The following RECQL4 variants were observed in gnomAD, a reference collection of about 807,000 sequenced individuals.
RECQL4 encodes the protein ATP-dependent DNA helicase Q4.
RECQL4 carries 158 observed loss-of-function variants against 128.6 expected under a neutral mutation model. The observed-to-expected ratio is 1.23, with a 90% CI of 1.08 to 1.40. The LOEUF (loss-of-function observed/expected upper bound fraction) is 1.40, where lower values mean the gene tolerates loss of function less well. RECQL4 is among the 40% of genes most tolerant of loss of function. The pLI is 0.00. For missense variants in RECQL4, 2,293 were observed against 1,649.8 expected (o/e 1.39, Z -6.75); for synonymous variants, 996 against 678.9 (o/e 1.47, Z -7.26).
intron 11 of RECQL4, 21 bp downstream of exon 11, chr8:144,514,168 C>T: frequency 6.2e-7 from 1 of 1,612,166 alleles, no homozygotes; most frequent in Non-Finnish European, 8.5e-7. Context: ...GGCCGCCCAC[C>T]CCAGTTCACA....
intron 19 of RECQL4, 28 bp downstream of exon 19, chr8:144,511,883 A>G (rs1403476150): frequency 6.2e-7 from 1 of 1,609,878 alleles, no homozygotes. Context: ...TGCAACCCCG[A>G]TGAGCTGCCT....
In RECQL4 at chr8:144,516,269, G is replaced by T; in HGVS notation, c.850C>A (p.Pro284Thr). The T allele has an allele frequency of 6.2e-7, 1 of 1,612,016 alleles. No homozygotes were observed. Among genetic ancestry groups the T allele is most frequent in the Non-Finnish European group, 8.5e-7 (1 of 1,179,490 alleles). The stretch of plus-strand genomic sequence containing the variant: ...ACAGCCCCAGCCCCCTCCGATGGGG[G>T]TCCAGCTTGGCTGCTCTCCTGCTGG... ...QVQQESSQAG[P>T]PSEGAGAVAV... The change falls in exon 5 of 21, where the codon CCC becomes ACC. Residue 284 changes from proline to threonine, a missense_variant. Transcript: ENST00000617875.
rs763161407 is a variant in RECQL4 at position 144,512,691 on chromosome 8, G to A, written c.2836C>T (p.Arg946Cys). Residue 946 changes from arginine to cysteine, a missense_variant, in exon 16 of 21, where the codon CGT (arginine) becomes TGT (cysteine). Physicochemically the swap from Arg to Cys is radical, Grantham distance 180 (BLOSUM62 -3). Coordinates refer to ENST00000617875, the MANE Select transcript of RECQL4 (RefSeq NM_004260.4). ...GCAGGGCCCCCAGGGCAGTTCAGAC[G>A]GCAATGGGTATAGGTGGTCGCCAGC... ...ELLATTYTHC[R>C]LNCPGGPAQL... 27 of 1,612,420 alleles carry A rather than the reference G, an allele frequency of 1.7e-5. No homozygotes were observed. The highest frequency in any genetic ancestry group is 4.0e-5 in the African/African-American group (3 of 74,944).
In RECQL4 at chr8:144,511,473, C is replaced by G. The variant is rs767956471; in HGVS notation, c.3585G>C (p.Leu1195=). 3.7e-6 allele frequency: 6 copies of G among 1,612,584 alleles called. No individual in the cohort carries two copies. Among genetic ancestry groups the G allele is most frequent in the Non-Finnish European group, 5.1e-6 (6 of 1,179,770 alleles). Residue 1195 remains leucine (L), a synonymous_variant, in exon 21 of 21, where the codon CTG becomes CTC. Coordinates refer to ENST00000617875, the MANE Select transcript of RECQL4 (RefSeq NM_004260.4). The part of the protein sequence containing the change: ...RKYLHLSFHA[L]VGLATEELLQ... ...GGAGCTCTTCCGTGGCCAGGCCCACCAGGGCATGGAAGCTCAGGTGCAGGT... is the reference window on the plus strand; with the variant it reads ...GGAGCTCTTCCGTGGCCAGGCCCACGAGGGCATGGAAGCTCAGGTGCAGGT...
rs765491293 is a variant in RECQL4, at chr8:144,514,075, G to A, written c.1911C>T (p.Phe637=). The A allele has an allele frequency of 1.3e-5, 20 of 1,594,080 alleles. No homozygotes were observed. Among genetic ancestry groups the A allele is most frequent in the Middle Eastern group, 3.3e-4 (2 of 6,060 alleles). The change falls in exon 12 of 21, where the codon TTC becomes TTT. Residue 637 remains phenylalanine, a synonymous_variant. Coordinates refer to ENST00000617875, the MANE Select transcript of RECQL4 (RefSeq NM_004260.4). ...VLRERMGVHC[F]LGLTATATRR... ...GTGTGGCTGTGGCTGTGAGGCCCAG[G>A]AAGCAGTGCACGCCCATGCGCTCCC...
chr8:144,512,306 CCT>C lies in RECQL4; in HGVS notation c.3072_3073del (p.Val1026AlafsTer6), dbSNP rs771538008. Reference sequence around the variant, plus strand: ...CAGCTCACTGAACTCCACAAGCACCCCTGTCCCACGCCGCACACCTGCCGGAA... The same window carrying C: ...CAGCTCACTGAACTCCACAAGCACCCGTCCCACGCCGCACACCTGCCGGAA... On this transcript the variant is annotated frameshift_variant, in exon 18 of 21. Coordinates refer to ENST00000617875, the MANE Select transcript of RECQL4 (RefSeq NM_004260.4). LOFTEE classifies it high-confidence loss of function. 2.8e-5 allele frequency: 45 copies of C among 1,612,326 alleles called. No individual in the cohort carries two copies. Among genetic ancestry groups the C allele is most frequent in the African/African-American group, 1.1e-4 (8 of 74,918 alleles).
In RECQL4 at chr8:144,516,554, C is replaced by G. The variant is rs34371341; in HGVS notation, c.565G>C (p.Gly189Arg). 1.2e-6 allele frequency: 2 copies of G among 1,609,872 alleles called. No individual in the cohort carries two copies. The highest frequency in any genetic ancestry group is 1.7e-6 in the Non-Finnish European group (2 of 1,179,016). ...TCACTGTGACATCGCTGTAACCAGC[C>G]AGGATCTAGGGAGCCCAGCCGCTGG... ...LSQRLGSLDP[G>R]WLQRCHSEVP... is the part of the protein sequence containing the mutation. The change falls in exon 5 of 21, where the codon GGC becomes CGC. Residue 189 changes from glycine (G) to arginine (R), a missense_variant. Coordinates refer to ENST00000617875, the MANE Select transcript of RECQL4 (RefSeq NM_004260.4).
Position 144,513,424 on chromosome 8 carries a change from G to T in RECQL4, c.2257C>A (p.Arg753=), listed in dbSNP as rs367570292. 1 of 1,609,392 alleles carries T rather than the reference G, an allele frequency of 6.2e-7. No homozygotes were observed. Among genetic ancestry groups the T allele is most frequent in the Admixed American group, 1.7e-5 (1 of 59,976 alleles). ...AYHAGMCSRE[R]RRVQRAFMQG... ...ATGAAGGCTCGCTGTACCCGCCGCCGTTCCCGGCTGCACATGCCCGCGTGG... is the reference window on the plus strand; with the variant it reads ...ATGAAGGCTCGCTGTACCCGCCGCCTTTCCCGGCTGCACATGCCCGCGTGG... Residue 753 remains arginine (R), a synonymous_variant, in exon 14 of 21, where the codon CGG becomes AGG. Coordinates refer to ENST00000617875, the MANE Select transcript of RECQL4 (RefSeq NM_004260.4).
rs369163654 is a variant in RECQL4 at position 144,517,432 on chromosome 8, G to C, written c.195C>G (p.Leu65=). Residue 65 remains leucine (L), a synonymous_variant, in exon 3 of 21, where the codon CTC becomes CTG. Transcript: ENST00000617875. ...TGGGTACCTCTTCGGCCGCCGCGGG[G>C]AGCGACTCGGAGCTGCGGAGCCCGC... ...AGGGLRSSES[L]PAAAEEAPEP... is the part of the protein sequence containing the mutation. 1,325 of 1,583,802 alleles carry C rather than the reference G, an allele frequency of 8.4e-4. 6 individuals carry two copies. In the African/African-American group the frequency reaches 0.014, roughly 17 times the overall value.
Position 144,514,267 on chromosome 8 carries a change from A to G in RECQL4, c.1800T>C (p.Ala600=), listed in dbSNP as rs760905609. ...AGTGGGCCTCATCAATGCAGGCAAA[A>G]GCAACTGGAGGCAGCTGTGCGGCTG... is the stretch of plus-strand genomic sequence containing the variant. ...LPPAAQLPPV[A]FACIDEAHCL... Residue 600 remains alanine, a synonymous_variant, in exon 11 of 21, where the codon GCT becomes GCC. Coordinates refer to ENST00000617875, the MANE Select transcript of RECQL4 (RefSeq NM_004260.4). 1 of 1,612,192 alleles carries G rather than the reference A, an allele frequency of 6.2e-7. No homozygotes were observed. The highest frequency in any genetic ancestry group is 8.5e-7 in the Non-Finnish European group (1 of 1,179,666).
chr8:144,514,162 G>A (rs368942006), intron 11 of RECQL4, 27 bp downstream of exon 11: 35 of 1,610,976 alleles, frequency 2.2e-5, no homozygotes, highest in Admixed American at 1.0e-4. Flanking sequence ...GGCCCTGGCC[G>A]CCCACCCCAG....
In RECQL4 at chr8:144,511,315, T is replaced by A. The variant is rs1257559423; in HGVS notation, c.*116A>T. 44 of 1,552,908 alleles carry A rather than the reference T, an allele frequency of 2.8e-5. No individual in the cohort carries two copies. The highest frequency in any genetic ancestry group is 3.8e-5 in the Non-Finnish European group (44 of 1,146,704). On this transcript the variant is annotated 3_prime_UTR_variant, in exon 21 of 21. Coordinates refer to ENST00000617875, the MANE Select transcript of RECQL4 (RefSeq NM_004260.4). ...AAAACAAAGTGAGCATTTTTTATTC[T>A]GCATTTTGGAGCCTCCTCGTTCCCA...
In RECQL4 at chr8:144,515,139, G is replaced by A. The variant is rs1317642008; in HGVS notation, c.1483+11C>T. 1.9e-6 allele frequency: 3 copies of A among 1,567,638 alleles called. No homozygotes were observed. The highest frequency in any genetic ancestry group is 1.2e-5 in the South Asian group (1 of 85,610). On this transcript the variant is annotated intron_variant, in intron 8 of 20. Coordinates refer to ENST00000617875, the MANE Select transcript of RECQL4 (RefSeq NM_004260.4). ...CCTCAGCCCAGCCTCAGCCCTGGCA[G>A]CCACGCTCACCAGACAGGATCCGCA...
chr8:144,512,728 G>C lies in RECQL4; in HGVS notation c.2799C>G (p.His933Gln). Residue 933 changes from histidine (H) to glutamine (Q), a missense_variant, in exon 16 of 21, where the codon CAC becomes CAG. By Grantham distance (24) the His-to-Gln change is conservative. Coordinates refer to ENST00000617875, the MANE Select transcript of RECQL4 (RefSeq NM_004260.4). ...LLCYLELHPHHWLELLATTYT... is the reference protein window; with the variant it reads ...LLCYLELHPHQWLELLATTYT... ...AGGTGGTCGCCAGCAGCTCCAGCCA[G>C]TGGTGTGGGTGCAGCTCCAGGTAGC... 6.2e-7 allele frequency: 1 copy of C among 1,612,348 alleles called. No homozygotes were observed. Among genetic ancestry groups the C allele is most frequent in the Non-Finnish European group, 8.5e-7 (1 of 1,179,826 alleles).
chr8:144,511,727 C>G lies in RECQL4; in HGVS notation c.3456G>C (p.Glu1152Asp), dbSNP rs756549605. The G allele has an allele frequency of 6.2e-7, 1 of 1,612,582 alleles. No homozygotes were observed. The highest frequency in any genetic ancestry group is 8.5e-7 in the Non-Finnish European group (1 of 1,179,836). Residue 1152 changes from glutamate to aspartate, a missense_variant, in exon 20 of 21, where the codon GAG becomes GAC. By Grantham distance (45) the Glu-to-Asp change is conservative. Coordinates refer to ENST00000617875, the MANE Select transcript of RECQL4 (RefSeq NM_004260.4). Reference sequence around the variant, plus strand: ...CCACAGCCCTGCTGGAGAACTTCTCCTCTGGCCTCAGGGACAGGAACTGGC... The same window carrying G: ...CCACAGCCCTGCTGGAGAACTTCTCGTCTGGCCTCAGGGACAGGAACTGGC... ...DIRQFLSLRPEEKFSSRAVAR... is the reference protein window; with the variant it reads ...DIRQFLSLRPDEKFSSRAVAR...
Position 144,514,969 on chromosome 8 carries a change from G to C in RECQL4, c.1587C>G (p.Val529=), listed in dbSNP as rs767967343. 6.2e-7 allele frequency: 1 copy of C among 1,611,770 alleles called. No homozygotes were observed. The highest frequency in any genetic ancestry group is 1.3e-5 in the African/African-American group (1 of 74,902). ...YSRRSPCLTL[V]VSPLLSLMDD... is the part of the protein sequence containing the mutation. Reference sequence around the variant, plus strand: ...CCATGAGTGACAGCAGGGGAGAGACGACCAACGTGAGGCAGGGGCTGCGCC... The same window carrying C: ...CCATGAGTGACAGCAGGGGAGAGACCACCAACGTGAGGCAGGGGCTGCGCC... Residue 529 remains valine, a synonymous_variant, in exon 9 of 21, where the codon GTC becomes GTG. Coordinates refer to ENST00000617875, the MANE Select transcript of RECQL4 (RefSeq NM_004260.4).
Position 144,515,661 on chromosome 8 carries a change from G to T in RECQL4, c.1258+103C>A. On this transcript the variant is annotated intron_variant, in intron 6 of 20. Transcript: ENST00000617875. ...AGCTAGGGTAGGGCCTGGACCAGGG[G>T]TACCTGGAAGGCCTGTTGCTTGGAA... The T allele has an allele frequency of 2.0e-6, 3 of 1,491,032 alleles. No homozygotes were observed. The African/African-American group carries it at 4.1e-5, about 21-fold the overall frequency. The allele number at this position is 1,491,032 out of a possible 1,614,324, so 92.4% of individuals were successfully genotyped here.
rs1477564052 is a variant in RECQL4 at position 144,514,009 on chromosome 8, A to G, written c.1977T>C (p.Ala659=). The part of the protein sequence containing the change: ...ASDVAQHLAV[A]EEPDLHGPAP... Reference sequence around the variant, plus strand: ...CTGGCCCGTGGAGGTCAGGCTCTTCAGCCACAGCCAGGTGCTGTGCCACGT... The same window carrying G: ...CTGGCCCGTGGAGGTCAGGCTCTTCGGCCACAGCCAGGTGCTGTGCCACGT... The change falls in exon 12 of 21, where the codon GCT becomes GCC. Residue 659 remains alanine (A), a synonymous_variant. Coordinates refer to ENST00000617875, the MANE Select transcript of RECQL4 (RefSeq NM_004260.4). The G allele has an allele frequency of 2.5e-6, 4 of 1,569,704 alleles. No homozygotes were observed. Among genetic ancestry groups the G allele is most frequent in the Non-Finnish European group, 3.5e-6 (4 of 1,158,396 alleles).
At position 144,517,777 on chromosome 8, in the gene RECQL4, C is replaced by A. The variant is rs979012066; in HGVS notation, c.8G>T (p.Arg3Leu). ME[R>L]LRDVRERLQA... ...CAGCCGCTCCCGCACGTCCCGCAGC[C>A]GCTCCATGGCGCGCGCGCCCGCCCG... is the stretch of plus-strand genomic sequence containing the variant. The change falls in exon 1 of 21, where the codon CGG (arginine) becomes CTG (leucine). Residue 3 changes from arginine to leucine, a missense_variant. By Grantham distance (102) the Arg-to-Leu change is moderately radical. Transcript: ENST00000617875. The A allele has an allele frequency of 5.2e-5, 65 of 1,238,936 alleles. No homozygotes were observed. In the African/African-American group the frequency reaches 8.8e-4, roughly 17 times the overall value. 76.7% of individuals were successfully genotyped at this position (1,238,936 alleles called of 1,614,324 possible).
Sources: gnomAD v4.1 joint callset for allele counts on GRCh38, gnomAD v4.1.1 for gene constraint, MANE v1.5 for transcripts, NCBI Gene and HGNC (gene_info 2026-07-23, HGNC 2026-07-21) for gene names.